The following BLTP1 variants were observed in gnomAD, a reference collection of about 807,000 sequenced individuals.
The protein encoded by BLTP1 is bridge-like lipid transfer protein family member 1, also known as fragile site-associated protein.
the BLTP1 span, chr4:122,350,225 T>C: frequency 1.4e-6 from 2 of 1,431,086 alleles, no homozygotes; most frequent in Non-Finnish European, 1.8e-6. Context: ...CCAGAATTTC[T>C]ACCTGCCAAT....
At chr4:122,296,438 A>C in the BLTP1 span, among the ~76,000 whole-genome samples, 2 of 152,218 alleles carry the variant, frequency 1.3e-5, no homozygotes, top group Non-Finnish European at 2.9e-5. Flanking sequence ...AAATGGAAAA[A>C]CATTTCATGC....
the BLTP1 span, chr4:122,211,059 C>G: frequency 6.2e-7 from 1 of 1,612,992 alleles, no homozygotes; most frequent in South Asian, 1.1e-5. Context: ...AGATAACTCT[C>G]TATGGACCTC....
At chr4:122,335,000 G>C in the BLTP1 span, among the ~76,000 whole-genome samples, 4 of 151,946 alleles carry the variant, frequency 2.6e-5, no homozygotes, top group Non-Finnish European at 4.4e-5. Flanking sequence ...TTGGCTCAGT[G>C]GATCTAACTT....
At chr4:122,197,153 TATA>T in the BLTP1 span, 1 of 856,174 alleles carries the variant, frequency 1.2e-6, no homozygotes, top group Non-Finnish European at 1.8e-6. Context: ...GGAGAATAAT[TATA>T]ATTAATGTTT....
chr4:122,299,778 G>T, the BLTP1 span: 2 of 983,882 alleles, frequency 2.0e-6, no homozygotes, highest in African/African-American at 3.5e-5. Flanking sequence ...CTGTAGGTAG[G>T]GTTATCAATG....
the BLTP1 span, chr4:122,267,561 A>T: frequency 1.4e-6 from 1 of 733,238 alleles, no homozygotes; most frequent in African/African-American, 1.9e-5. Flanking sequence ...TGGCTCTTGT[A>T]ATAGTGGAAT....
the BLTP1 span, among the ~76,000 whole-genome samples, chr4:122,317,205 G>T: frequency 6.6e-6 from 1 of 152,100 alleles, no homozygotes; most frequent in South Asian, 2.1e-4. Context: ...GGTGGTACAT[G>T]CCTATAATCC....
the BLTP1 span, among the ~76,000 whole-genome samples, chr4:122,252,787 T>C: frequency 1.3e-5 from 2 of 152,080 alleles, no homozygotes; most frequent in Non-Finnish European, 2.9e-5. Context: ...ATTGTACAGC[T>C]CTAGGTCTGT....
the BLTP1 span, among the ~76,000 whole-genome samples, chr4:122,315,891 T>G: frequency 6.6e-6 from 1 of 152,190 alleles, no homozygotes; most frequent in African/African-American, 2.4e-5. Context: ...AACTTGTGCT[T>G]TAACCTATAG....
At chr4:122,328,327 G>A in the BLTP1 span, 1 of 1,609,950 alleles carries the variant, frequency 6.2e-7, no homozygotes, top group Non-Finnish European at 8.5e-7. Context: ...GACCATGAGA[G>A]GGAAAGGTTT....
At chr4:122,201,043 A>G in the BLTP1 span, 2 of 1,613,468 alleles carry the variant, frequency 1.2e-6, no homozygotes, top group Admixed American at 1.7e-5. Flanking sequence ...CGAATATGGA[A>G]CATGCCGCAG....
chr4:122,272,492 A>T, the BLTP1 span: 17 of 1,200,932 alleles, frequency 1.4e-5, no homozygotes, highest in African/African-American at 2.6e-4. Flanking sequence ...TGTCTCCAAA[A>T]TTCCTAATTG....
the BLTP1 span, chr4:122,268,914 G>A: frequency 6.5e-6 from 1 of 153,320 alleles, no homozygotes; most frequent in African/African-American, 2.4e-5. Context: ...CTGACTTGTG[G>A]GCTGAAGAGC....
the BLTP1 span, chr4:122,271,625 G>A: frequency 1.2e-6 from 2 of 1,612,932 alleles, no homozygotes; most frequent in African/African-American, 2.7e-5. Context: ...GCCTTCAGCT[G>A]AGTGCTGGCA....
At chr4:122,269,236 A>G in the BLTP1 span, among the ~76,000 whole-genome samples, 2 of 151,404 alleles carry the variant, frequency 1.3e-5, no homozygotes, top group Non-Finnish European at 2.9e-5. Context: ...ATATAATTCA[A>G]TTATATATAA....
At chr4:122,217,939 A>G in the BLTP1 span, among the ~76,000 whole-genome samples, 3 of 152,030 alleles carry the variant, frequency 2.0e-5, no homozygotes, top group Non-Finnish European at 2.9e-5. Context: ...GGTTTAATCT[A>G]GGAGGGTTGC....
chr4:122,204,432 C>A, the BLTP1 span: 1 of 806,478 alleles, frequency 1.2e-6, no homozygotes, highest in Non-Finnish European at 1.5e-6. Flanking sequence ...AATAGGGTAG[C>A]TGTTATTACT....
At chr4:122,305,475 CT>C in the BLTP1 span, 1 of 974,928 alleles carries the variant, frequency 1.0e-6, no homozygotes. Context: ...AGATTTTAAT[CT>C]TTTTTCCTCT....
chr4:122,356,801 G>C, the BLTP1 span: 1 of 1,583,612 alleles, frequency 6.3e-7, no homozygotes, highest in Non-Finnish European at 8.5e-7. Flanking sequence ...AATGGCAGCT[G>C]TCAATGCCAT....
Sources: allele counts gnomAD v4.1 joint callset (sites outside exome capture counted in the v4.1 genomes callset), GRCh38; gene constraint gnomAD v4.1.1; transcripts MANE v1.5; gene names NCBI Gene and HGNC (gene_info 2026-07-23, HGNC 2026-07-21).